Variants in INPP4A observed in about 807,000 individuals in gnomAD.
INPP4A encodes the protein inositol polyphosphate-4-phosphatase, type I, 107kD.
Under a neutral mutation model 119.8 loss-of-function variants are expected in INPP4A, and 33 were observed. The observed-to-expected ratio is 0.28, with a 90% CI of 0.21 to 0.37. The LOEUF (loss-of-function observed/expected upper bound fraction) is 0.37. INPP4A is among the 10% of genes least tolerant of loss of function. INPP4A has a pLI of 1.00. For missense variants in INPP4A, 956 were observed against 1,289.9 expected, an observed-to-expected ratio of 0.74 and a Z score of 3.97; for synonymous variants, 496 against 500.7, an observed-to-expected ratio of 0.99 and a Z score of 0.12.
chr2:98,481,454 C>A (rs1678445523), intron 1 of INPP4A, among the ~76,000 whole-genome samples: 1 of 152,200 alleles, frequency 6.6e-6, no homozygotes, highest in South Asian at 2.1e-4. Flanking sequence ...GCCTGTGGCT[C>A]TTGGATAATC....
At position 98,565,601 on chromosome 2, in the gene INPP4A, G is replaced by T. The variant is rs760484414; in HGVS notation, c.2153-39G>T. On this transcript the variant is annotated intron_variant, in intron 19 of 24. Coordinates refer to ENST00000409851, the MANE Select transcript of INPP4A (RefSeq NM_001134225.2). ...TGCTGAGACTGGGGAGAGTAGCAGG[G>T]CCCTCTGCCTGACAGCCCTGCCCCT... is the stretch of plus-strand genomic sequence containing the variant. The T allele has an allele frequency of 4.5e-5, 71 of 1,575,160 alleles. No homozygotes were observed. In the South Asian group the frequency reaches 8.1e-4, roughly 18 times the overall value.
chr2:98,585,624 G>C (rs185866752), intron 24 of INPP4A, among the ~76,000 whole-genome samples: 1 of 152,190 alleles, frequency 6.6e-6, no homozygotes, highest in Non-Finnish European at 1.5e-5. Flanking sequence ...TTGCCAGCTC[G>C]TCCGCACAGG....
intron 10 of INPP4A, among the ~76,000 whole-genome samples, chr2:98,541,632 A>G (rs1691489773): frequency 6.6e-6 from 1 of 152,162 alleles, no homozygotes; most frequent in African/African-American, 2.4e-5. Flanking sequence ...CCCAGGCTGG[A>G]GTGCAGTGGC....
chr2:98,567,758 AG>A (rs1296895565), intron 21 of INPP4A, among the ~76,000 whole-genome samples: 2 of 152,102 alleles, frequency 1.3e-5, no homozygotes, highest in Non-Finnish European at 2.9e-5. Context: ...CTCAGAGGGG[AG>A]GCCACAGGCC....
At chr2:98,493,356 TTTTCCTC>T (rs1558940836) in intron 1 of INPP4A, among the ~76,000 whole-genome samples, 1 of 152,008 alleles carries the variant, frequency 6.6e-6, no homozygotes, top group East Asian at 1.9e-4. Flanking sequence ...TGATACTAAG[TTTTCCTC>T]TTATTTTCAG....
chr2:98,587,409 C>T, intron 24 of INPP4A, 67 bp from the exon 25 acceptor site: 1 of 1,413,178 alleles, frequency 7.1e-7, no homozygotes. Flanking sequence ...TTCATTTCAT[C>T]TTAGTTTAAG....
At chr2:98,445,716 G>T (rs1406306484) in intron 1 of INPP4A, among the ~76,000 whole-genome samples, 1 of 152,172 alleles carries the variant, frequency 6.6e-6, no homozygotes, top group East Asian at 1.9e-4. Context: ...TTGTGTCTTT[G>T]TGGGCGAAGG....
chr2:98,584,320 C>T (rs566611657), intron 24 of INPP4A, among the ~76,000 whole-genome samples: 17 of 152,382 alleles, frequency 1.1e-4, no homozygotes, highest in African/African-American at 3.8e-4. Context: ...CTCCTGGTAA[C>T]GTGGTTCCAA....
In INPP4A at chr2:98,520,048, C is replaced by A; in HGVS notation, c.-1C>A. ...AGAAGCACATCATCACCAATGACAT[C>A]ATGACAGCAAGAGAGCACAGCCCTC... On this transcript the variant is annotated 5_prime_UTR_variant, in exon 3 of 25. Transcript: ENST00000409851. The A allele has an allele frequency of 6.3e-7, 1 of 1,578,166 alleles. No individual in the cohort carries two copies. The highest frequency in any genetic ancestry group is 8.6e-7 in the Non-Finnish European group (1 of 1,160,250).
intron 1 of INPP4A, among the ~76,000 whole-genome samples, chr2:98,476,956 C>T (rs1677360587): frequency 6.6e-6 from 1 of 152,226 alleles, no homozygotes; most frequent in Non-Finnish European, 1.5e-5. Flanking sequence ...CCTCCATCCC[C>T]CTGTTTCTGG....
intron 10 of INPP4A, among the ~76,000 whole-genome samples, chr2:98,543,170 G>A (rs1032605994): frequency 6.6e-6 from 1 of 152,134 alleles, no homozygotes; most frequent in Non-Finnish European, 1.5e-5. Context: ...CATAGACACG[G>A]AAGGAAGAAG....
chr2:98,529,995 CAGAG>C (rs973439162), intron 4 of INPP4A, among the ~76,000 whole-genome samples: 3 of 151,922 alleles, frequency 2.0e-5, no homozygotes, highest in African/African-American at 7.3e-5. Flanking sequence ...GACCTAGAAG[CAGAG>C]AGAGAGCTGG....
chr2:98,469,842 T>C (rs1675620941), intron 1 of INPP4A, among the ~76,000 whole-genome samples: 1 of 152,110 alleles, frequency 6.6e-6, no homozygotes, highest in African/African-American at 2.4e-5. Flanking sequence ...CTTGGCCTCC[T>C]GATGAAATAG....
At chr2:98,465,665 G>T (rs1218746741) in intron 1 of INPP4A, among the ~76,000 whole-genome samples, 1 of 152,188 alleles carries the variant, frequency 6.6e-6, no homozygotes, top group Non-Finnish European at 1.5e-5. Context: ...TCCTCTCCCA[G>T]ACTCTGGGGT....
At chr2:98,480,909 T>C (rs1678301562) in intron 1 of INPP4A, among the ~76,000 whole-genome samples, 1 of 152,212 alleles carries the variant, frequency 6.6e-6, no homozygotes, top group Non-Finnish European at 1.5e-5. Context: ...CCGCACACTC[T>C]GGACCCTTCC....
In INPP4A at chr2:98,546,117, C is replaced by A; in HGVS notation, c.1054+44C>A. ...CCTCTTGTTGAATCACATTTCGCTG[C>A]TTTTCTCTGTGGGTACTTGGTCCCT... On this transcript the variant is annotated intron_variant, in intron 12 of 24. Coordinates refer to ENST00000409851, the MANE Select transcript of INPP4A (RefSeq NM_001134225.2). This position sits in a 1 kb window ranked among gnomAD's most constrained non-coding sequence, Gnocchi z 4.2. The A allele has an allele frequency of 7.3e-7, 1 of 1,368,042 alleles. No homozygotes were observed. The highest frequency in any genetic ancestry group is 1.0e-6 in the Non-Finnish European group (1 of 980,528). The allele number at this position is 1,368,042 out of a possible 1,614,324, so 84.7% of individuals were successfully genotyped here.
rs148683192 is a variant in INPP4A, at chr2:98,573,733, T to C, written c.2631+806T>C. 3.9e-3 allele frequency among the ~76,000 whole-genome samples: 601 copies of C among 152,320 alleles called. 8 individuals are homozygous for C. Among genetic ancestry groups the C allele is most frequent in the African/African-American group, 0.014 (581 of 41,566 alleles). On this transcript the variant is annotated intron_variant, in intron 23 of 24. Coordinates refer to ENST00000409851, the MANE Select transcript of INPP4A (RefSeq NM_001134225.2). ...GTGCTTCTCTCAGCCCCGAGTCTCT[T>C]CTACAGCAGCAGACCGTCTCAGCTG... is the stretch of plus-strand genomic sequence containing the variant.
rs1700360203 is a variant in INPP4A, at chr2:98,590,909, C to T, written c.*3301C>T. The T allele has an allele frequency of 4.3e-6, 1 of 231,488 alleles. No homozygotes were observed. Among genetic ancestry groups the T allele is most frequent in the South Asian group, 1.8e-4 (1 of 5,524 alleles). The allele number at this position is 231,488 out of a possible 1,614,324, so 14.3% of individuals were successfully genotyped here. The stretch of plus-strand genomic sequence containing the variant: ...GCACCTCGTTTCAGTGTCCTGATTC[C>T]TTGATTACTGTGAACACTGAACATC... On this transcript the variant is annotated 3_prime_UTR_variant, in exon 25 of 25. Transcript: ENST00000409851.
intron 1 of INPP4A, among the ~76,000 whole-genome samples, chr2:98,452,051 G>T (rs1023193467): frequency 6.6e-6 from 1 of 152,194 alleles, no homozygotes; most frequent in Non-Finnish European, 1.5e-5. Flanking sequence ...ATCCTAGGGG[G>T]TTAGTCTCCT....
Sources: gnomAD v4.1 joint callset for allele counts (sites outside exome capture counted in the v4.1 genomes callset) on GRCh38, gnomAD v4.1.1 for gene constraint, Gnocchi (gnomAD v3.1) non-coding constraint, MANE v1.5 for transcripts, NCBI Gene and HGNC (gene_info 2026-07-23, HGNC 2026-07-21) for gene names.